LMBR1: variants seen among roughly 807,000 people sequenced by gnomAD.
LMBR1 encodes limb region 1 protein homolog.
Under a neutral mutation model 73.9 loss-of-function variants are expected in LMBR1, and 52 were observed. The observed-to-expected ratio is 0.70, with a 90% CI of 0.56 to 0.89. The LOEUF is 0.89. LMBR1 is among the 40% of genes least tolerant of loss of function. The probability of loss-of-function intolerance (pLI) is 0.00; values close to 1 mark genes in which losing one functional copy is unlikely to be tolerated. For synonymous variants in LMBR1, 215 were observed against 209.4 expected (o/e 1.03, Z -0.23); for missense variants, 539 against 579.8 (o/e 0.93, Z 0.72).
intron 5 of LMBR1, among the ~76,000 whole-genome samples, chr7:156,775,629 T>A (rs1036293745): frequency 6.6e-6 from 1 of 152,222 alleles, no homozygotes; most frequent in African/African-American, 2.4e-5. Context: ...CATGGATAAT[T>A]AACAGTCTTA....
chr7:156,735,906 T>C (rs1236982821), intron 9 of LMBR1, among the ~76,000 whole-genome samples: 9 of 152,190 alleles, frequency 5.9e-5, no homozygotes, highest in African/African-American at 1.9e-4. Flanking sequence ...GCAACTGAAA[T>C]AGACTCACTA....
At chr7:156,708,285 A>G (rs879639487) in intron 15 of LMBR1, among the ~76,000 whole-genome samples, 2 of 152,228 alleles carry the variant, frequency 1.3e-5, no homozygotes, top group Non-Finnish European at 2.9e-5. Context: ...TATCATTGCA[A>G]ATTCCATGAG....
intron 1 of LMBR1, among the ~76,000 whole-genome samples, chr7:156,886,512 T>G (rs1801933777): frequency 6.6e-6 from 1 of 152,232 alleles, no homozygotes; most frequent in African/African-American, 2.4e-5. Flanking sequence ...GCACAGCCTC[T>G]GTAAACTGGC....
intron 15 of LMBR1, among the ~76,000 whole-genome samples, chr7:156,712,233 T>C (rs567772344): frequency 2.6e-4 from 39 of 152,238 alleles, no homozygotes; most frequent in African/African-American, 9.4e-4. Context: ...AAAGAGGTCA[T>C]ACAAATGGCC....
At chr7:156,807,066 A>G (rs1832268541) in intron 4 of LMBR1, among the ~76,000 whole-genome samples, 1 of 152,052 alleles carries the variant, frequency 6.6e-6, no homozygotes, top group African/African-American at 2.4e-5. Flanking sequence ...ATAAAATCAC[A>G]TGGATTGGCA....
intron 5 of LMBR1, among the ~76,000 whole-genome samples, chr7:156,795,052 C>A (rs1486881358): frequency 6.6e-6 from 1 of 152,198 alleles, no homozygotes; most frequent in Non-Finnish European, 1.5e-5. Context: ...TGGCAAGCGG[C>A]TTGTGCACCC....
intron 1 of LMBR1, chr7:156,892,462 C>G (rs1803210288): frequency 1.3e-5 from 2 of 152,484 alleles, no homozygotes; most frequent in South Asian, 4.1e-4. Flanking sequence ...GCGCATCCAC[C>G]TGCCTACCTG....
At position 156,677,963 on chromosome 7, in the gene LMBR1, C is replaced by A. The variant is rs1426740841; in HGVS notation, c.*6115G>T. 1 of 152,202 alleles carries A rather than the reference C, an allele frequency of 6.6e-6. No homozygotes were observed. The highest frequency in any genetic ancestry group is 1.5e-5 in the Non-Finnish European group (1 of 68,056). The allele number at this position is 152,202 out of a possible 1,614,324, so 9.4% of individuals were successfully genotyped here. A position where few individuals can be genotyped will look rare whatever the true frequency, so the allele number is the denominator to read the frequency against. On this transcript the variant is annotated 3_prime_UTR_variant, in exon 17 of 17. Coordinates refer to ENST00000353442, the MANE Select transcript of LMBR1 (RefSeq NM_022458.4). ...AGCGTTGACAGGCAAAGCACAGGCA[C>A]GTGTCAAAGGCCAGAGCAGTCCGAT...
At chr7:156,883,973 G>A (rs1202002891) in intron 1 of LMBR1, among the ~76,000 whole-genome samples, 2 of 152,156 alleles carry the variant, frequency 1.3e-5, no homozygotes, top group African/African-American at 4.8e-5. Context: ...CAACTTCAGG[G>A]GCCATTATGC....
At chr7:156,877,762 A>G (rs1800410936) in intron 1 of LMBR1, among the ~76,000 whole-genome samples, 2 of 152,034 alleles carry the variant, frequency 1.3e-5, no homozygotes, top group Admixed American at 1.3e-4. Context: ...AGGCGCCTGT[A>G]GTCCCAGCTA....
At chr7:156,800,482 CAAAAAAAAAA>C (rs1245017996) in intron 4 of LMBR1, among the ~76,000 whole-genome samples, 1 of 81,034 alleles carries the variant, frequency 1.2e-5, no homozygotes, top group East Asian at 3.9e-4. Context: ...ACTTGCTACT[CAAAAAAAAAA>C]AAAAAAAAGA....
chr7:156,888,138 T>C (rs576235187), intron 1 of LMBR1, among the ~76,000 whole-genome samples: 52 of 152,094 alleles, frequency 3.4e-4, no homozygotes, highest in Middle Eastern at 3.4e-3. Context: ...AGGCCGGGCG[T>C]GGTGGCTCAC....
At chr7:156,877,531 T>C (rs1040741080) in intron 1 of LMBR1, among the ~76,000 whole-genome samples, 1 of 151,718 alleles carries the variant, frequency 6.6e-6, no homozygotes, top group African/African-American at 2.4e-5. Flanking sequence ...CAAAAACATA[T>C]CAAAAAGGTA....
At position 156,762,148 on chromosome 7, in the gene LMBR1, G is replaced by C. The variant is rs747351668; in HGVS notation, c.670C>G (p.Leu224Val). ...TAAATACTTACTGTTGGCTTCACTAGCAACTGACCCATCACTGTGAACATA... is the reference window on the plus strand; with the variant it reads ...TAAATACTTACTGTTGGCTTCACTACCAACTGACCCATCACTGTGAACATA... Reference protein sequence around the residue: ...SRMFTVMGQLLVKPTILEDLD... With the variant: ...SRMFTVMGQLVVKPTILEDLD... The change falls in exon 8 of 17, where the codon CTA becomes GTA. Residue 224 changes from leucine to valine, a missense_variant. Coordinates refer to ENST00000353442, the MANE Select transcript of LMBR1 (RefSeq NM_022458.4). The C allele has an allele frequency of 6.2e-7, 1 of 1,603,590 alleles. No homozygotes were observed. The highest frequency in any genetic ancestry group is 2.2e-5 in the East Asian group (1 of 44,816).
At chr7:156,713,227 G>A (rs976169893) in intron 15 of LMBR1, among the ~76,000 whole-genome samples, 4 of 152,144 alleles carry the variant, frequency 2.6e-5, no homozygotes, top group Non-Finnish European at 4.4e-5. Flanking sequence ...GTGGCTGCCG[G>A]GGGTGAGAGA....
At chr7:156,709,393 C>T (rs1274021185) in intron 15 of LMBR1, among the ~76,000 whole-genome samples, 2 of 152,176 alleles carry the variant, frequency 1.3e-5, no homozygotes, top group Non-Finnish European at 2.9e-5. Context: ...CTGGCATAAC[C>T]AGCATTTGAG....
At chr7:156,673,631 C>G (rs545008620), downstream of LMBR1, among the ~76,000 whole-genome samples, 8 of 152,266 alleles carry the variant, frequency 5.3e-5, no homozygotes, top group East Asian at 7.7e-4. Context: ...TCAGCCACCC[C>G]CTTCATTCAA....
chr7:156,756,608 T>A, intron 8 of LMBR1, 143 bp from the exon 9 acceptor site: 1 of 570,962 alleles, frequency 1.8e-6, no homozygotes, highest in Non-Finnish European at 3.1e-6. Flanking sequence ...ACTCCAACTA[T>A]GTTATTTATA....
At chr7:156,815,802 A>G (rs1187732228) in intron 4 of LMBR1, among the ~76,000 whole-genome samples, 1 of 152,108 alleles carries the variant, frequency 6.6e-6, no homozygotes, top group Non-Finnish European at 1.5e-5. Flanking sequence ...ATCCTCGAAT[A>G]CTAAGGGTCC....
Sources: allele counts gnomAD v4.1 joint callset (sites outside exome capture counted in the v4.1 genomes callset), GRCh38; gene constraint gnomAD v4.1.1; transcripts MANE v1.5; gene names NCBI Gene and HGNC (gene_info 2026-07-23, HGNC 2026-07-21).